The following TBCD variants were observed in gnomAD, a reference collection of about 807,000 sequenced individuals.
TBCD encodes the protein tubulin-specific chaperone D.
In TBCD, 105 loss-of-function variants were observed where a neutral mutation model predicts 169.3. That is an observed-to-expected ratio of 0.62 (90% CI 0.53 to 0.73). The LOEUF (loss-of-function observed/expected upper bound fraction) is 0.73, where lower values mean the gene tolerates loss of function less well. TBCD is among the 30% of genes least tolerant of loss of function. The probability of loss-of-function intolerance (pLI) is 0.00; values close to 1 mark genes in which losing one functional copy is unlikely to be tolerated. For synonymous variants in TBCD, 700 were observed against 643.9 expected (o/e 1.09, Z -1.32); for missense variants, 1,444 against 1,600.1 (o/e 0.90, Z 1.66).
intron 2 of TBCD, among the ~76,000 whole-genome samples, chr17:82,760,581 A>ATGGCAACACTTT (rs1478805788): frequency 6.6e-6 from 1 of 152,224 alleles, no homozygotes; most frequent in Non-Finnish European, 1.5e-5. Flanking sequence ...GTTTTTGTAA[A>ATGGCAACACTTT]TGGCAACACT....
At chr17:82,810,076 C>T (rs545553515) in intron 12 of TBCD, among the ~76,000 whole-genome samples, 1 of 152,276 alleles carries the variant, frequency 6.6e-6, no homozygotes, top group Admixed American at 6.5e-5. Flanking sequence ...GGGGCTGCTC[C>T]GAGAGCTTTC....
chr17:82,893,972 T>C (rs2059313554), intron 17 of TBCD, among the ~76,000 whole-genome samples: 1 of 124,012 alleles, frequency 8.1e-6, no homozygotes, highest in South Asian at 2.7e-4. Flanking sequence ...TGTGTGGGGC[T>C]TGGAGTTTGA....
chr17:82,804,757 T>TGGGA (rs2050829769), intron 9 of TBCD, among the ~76,000 whole-genome samples: 1 of 152,216 alleles, frequency 6.6e-6, no homozygotes, highest in South Asian at 2.1e-4. Flanking sequence ...TTCTGTTCCT[T>TGGGA]GGGAGGGAAT....
chr17:82,870,123 G>A (rs1424666031), intron 13 of TBCD, 101 bp from the exon 14 acceptor site: 17 of 1,524,568 alleles, frequency 1.1e-5, no homozygotes, highest in Non-Finnish European at 1.5e-5. Context: ...CACTCATCTG[G>A]CACCGTGACC....
At chr17:82,791,111 A>G (rs1239777131) in intron 7 of TBCD, among the ~76,000 whole-genome samples, 3 of 18,872 alleles carry the variant, frequency 1.6e-4, no homozygotes, top group African/African-American at 5.3e-4. Flanking sequence ...TTTTTTTTTT[A>G]GACGGAGTCT....
intron 33 of TBCD, among the ~76,000 whole-genome samples, chr17:82,931,720 G>A (rs543626816): frequency 1.4e-4 from 22 of 152,344 alleles, no homozygotes; most frequent in Non-Finnish European, 2.4e-4. Flanking sequence ...CAGCTCTCCT[G>A]TGTGTTAGTC....
intron 13 of TBCD, among the ~76,000 whole-genome samples, chr17:82,857,705 G>A (rs1193054993): frequency 6.6e-6 from 1 of 150,858 alleles, no homozygotes; most frequent in Non-Finnish European, 1.5e-5. Flanking sequence ...ATAGCCACAG[G>A]AGCCATACAA....
intron 3 of TBCD, among the ~76,000 whole-genome samples, chr17:82,764,765 G>A (rs1466226006): frequency 6.7e-6 from 1 of 150,368 alleles, no homozygotes; most frequent in Non-Finnish European, 1.5e-5. Context: ...TTACAAGCTT[G>A]CGGGTGTCTG....
chr17:82,800,873 T>A lies in TBCD; in HGVS notation c.827T>A (p.Val276Asp), dbSNP rs1431747846. Residue 276 changes from valine to aspartate, a missense_variant, in exon 9 of 39, where the codon GTC becomes GAC. Physicochemically the swap from Val to Asp is radical, Grantham distance 152 (BLOSUM62 -3). Coordinates refer to ENST00000355528, the MANE Select transcript of TBCD (RefSeq NM_005993.5). The part of the protein sequence containing the change: ...REDCLPYAAT[V>D]LRCLDGCRLP... ...CAGTTCTTGTTTGCAGCTGCCACTG[T>A]CCTCAGGTGCCTCGATGGCTGCAGA... The A allele has an allele frequency of 6.2e-7, 1 of 1,612,540 alleles. No homozygotes were observed.
chr17:82,929,616 T>G, intron 32 of TBCD, 116 bp downstream of exon 32: 1 of 1,418,904 alleles, frequency 7.0e-7, no homozygotes, highest in Non-Finnish European at 9.7e-7. Context: ...TTTCTATCTC[T>G]CTCGGGCATA....
intron 2 of TBCD, among the ~76,000 whole-genome samples, chr17:82,760,224 C>T (rs1045641057): frequency 8.5e-5 from 13 of 152,162 alleles, no homozygotes; most frequent in African/African-American, 1.9e-4. Flanking sequence ...ATCCTTTCCT[C>T]TTATTTTCTT....
At chr17:82,775,470 C>G (rs1287211413) in intron 6 of TBCD, among the ~76,000 whole-genome samples, 1 of 152,040 alleles carries the variant, frequency 6.6e-6, no homozygotes, top group Non-Finnish European at 1.5e-5. Context: ...TGCGAGGGGT[C>G]CTGTGCCAGC....
At chr17:82,862,168 C>T (rs959464086) in intron 13 of TBCD, among the ~76,000 whole-genome samples, 16 of 152,108 alleles carry the variant, frequency 1.1e-4, no homozygotes, top group Admixed American at 2.0e-4. Context: ...ATGATCTGCC[C>T]GCCTCAGCCT....
rs958875131 is a variant in TBCD at position 82,930,923 on chromosome 17, A to G, written c.3113+280A>G. On this transcript the variant is annotated intron_variant, in intron 33 of 38. Transcript: ENST00000355528. The surrounding 1 kb of genome is among the most constrained non-coding windows in gnomAD (Gnocchi z 5.2). The stretch of plus-strand genomic sequence containing the variant: ...TGGACGTAAAGGTAGTATGAGTACA[A>G]GGTGGTCCCTGTGTGTAGGAAGGCG... 6.6e-6 allele frequency among the ~76,000 whole-genome samples: 1 copy of G among 152,224 alleles called. No individual in the cohort carries two copies. The highest frequency in any genetic ancestry group is 2.4e-5 in the African/African-American group (1 of 41,462).
At position 82,870,736 on chromosome 17, in the gene TBCD, G is replaced by C. The variant is rs549469126; in HGVS notation, c.1475+356G>C. On this transcript the variant is annotated intron_variant, in intron 14 of 38. Coordinates refer to ENST00000355528, the MANE Select transcript of TBCD (RefSeq NM_005993.5). ...GCAGGTGATCGGCACGCTGGGTGGC[G>C]TGGGAGGAAGCAAGTGGGGCACGGG... Among the ~76,000 whole-genome samples, 358 of 152,386 alleles carry C rather than the reference G, an allele frequency of 2.3e-3. 1 individual carries two copies. Among genetic ancestry groups the C allele is most frequent in the African/African-American group, 7.8e-3 (325 of 41,594 alleles).
chr17:82,924,584 T>C (rs2061608343), intron 26 of TBCD, among the ~76,000 whole-genome samples: 1 of 152,194 alleles, frequency 6.6e-6, no homozygotes, highest in South Asian at 2.1e-4. Context: ...AGTGTGTGAA[T>C]CACCACTTAA....
In TBCD at chr17:82,928,649, A is replaced by G. The variant is rs991777840; in HGVS notation, c.2694-464A>G. Among the ~76,000 whole-genome samples the G allele has an allele frequency of 2.6e-5, 4 of 152,016 alleles. No individual in the cohort carries two copies. In the East Asian group the frequency reaches 5.8e-4, roughly 22 times the overall value. Reference sequence around the variant, plus strand: ...TGCTGTCAGTCTCTCTGTCAGGGACACTCGGCCGTGGGGATCCCAGGGCCT... The same window carrying G: ...TGCTGTCAGTCTCTCTGTCAGGGACGCTCGGCCGTGGGGATCCCAGGGCCT... On this transcript the variant is annotated intron_variant, in intron 30 of 38. Coordinates refer to ENST00000355528, the MANE Select transcript of TBCD (RefSeq NM_005993.5).
rs2048982172 is a variant in TBCD, at chr17:82,782,070, T to C, written c.771+349T>C. On this transcript the variant is annotated intron_variant, in intron 7 of 38. Transcript: ENST00000355528. The surrounding 1 kb of genome is among the most constrained non-coding windows in gnomAD (Gnocchi z 5.1). ...CTGAACGAGCTCTAATAAAACAAGG[T>C]GGGTGAGTTGAAATTTGATTCTGTT... is the stretch of plus-strand genomic sequence containing the variant. Among the ~76,000 whole-genome samples the C allele has an allele frequency of 6.6e-6, 1 of 152,104 alleles. No homozygotes were observed. Among genetic ancestry groups the C allele is most frequent in the Non-Finnish European group, 1.5e-5 (1 of 68,012 alleles).
chr17:82,775,230 A>AGGT (rs898600315), intron 6 of TBCD, among the ~76,000 whole-genome samples: 43 of 152,296 alleles, frequency 2.8e-4, no homozygotes, highest in African/African-American at 8.4e-4. Context: ...GATCCAGGAG[A>AGGT]GGTGGTGCCT....
Sources: gnomAD v4.1 joint callset for allele counts (sites outside exome capture counted in the v4.1 genomes callset) on GRCh38, gnomAD v4.1.1 for gene constraint, Gnocchi (gnomAD v3.1) non-coding constraint, MANE v1.5 for transcripts, NCBI Gene and HGNC (gene_info 2026-07-23, HGNC 2026-07-21) for gene names.